Variants in MGLL observed in about 807,000 individuals in gnomAD.
The protein encoded by MGLL is monoglyceride lipase.
Under a neutral mutation model 29.1 loss-of-function variants are expected in MGLL, and 7 were observed. That is an observed-to-expected ratio of 0.24 (90% CI 0.14 to 0.45). The LOEUF is 0.45. Among genes scored for constraint, MGLL ranks in the 20% least tolerant of loss-of-function variants. MGLL has a pLI of 0.99. For synonymous variants in MGLL, 148 were observed against 168.3 expected (o/e 0.88, Z 0.93); for missense variants, 356 against 413.6 (o/e 0.86, Z 1.21).
chr3:127,744,061 G>A lies in MGLL; in HGVS notation c.263-21495C>T, dbSNP rs565615920. On this transcript the variant is annotated intron_variant, in intron 3 of 7. Coordinates refer to ENST00000265052, the MANE Select transcript of MGLL (RefSeq NM_007283.7). ...TTTCTTTACTAATTGACAACAGCTT[G>A]AAAAAGGTATAAAGATGCCAGAATT... is the stretch of plus-strand genomic sequence containing the variant. Among the ~76,000 whole-genome samples, 6 of 152,262 alleles carry A rather than the reference G, an allele frequency of 3.9e-5. No homozygotes were observed. The East Asian group carries it at 7.7e-4, about 20-fold the overall frequency.
At chr3:127,724,049 C>A (rs12485988) in intron 3 of MGLL, among the ~76,000 whole-genome samples, 53,156 of 152,024 alleles carry the variant, frequency 0.35, 11,076 homozygotes, top group Non-Finnish European at 0.47. Context: ...GCAAGGAGAG[C>A]CTGCAGGAGA....
At chr3:127,763,871 C>T (rs1356689835) in intron 3 of MGLL, among the ~76,000 whole-genome samples, 1 of 152,168 alleles carries the variant, frequency 6.6e-6, no homozygotes, top group Admixed American at 6.5e-5. Flanking sequence ...CTGATGTCGC[C>T]GTAGTCATTA....
At chr3:127,785,959 T>C (rs971293931) in intron 2 of MGLL, among the ~76,000 whole-genome samples, 5 of 152,184 alleles carry the variant, frequency 3.3e-5, no homozygotes, top group African/African-American at 1.2e-4. Context: ...CCCCTGAGTG[T>C]CTGAGTGGCT....
chr3:127,802,649 T>C (rs1050172881), intron 2 of MGLL, among the ~76,000 whole-genome samples: 1 of 152,254 alleles, frequency 6.6e-6, no homozygotes, highest in African/African-American at 2.4e-5. Flanking sequence ...TTCTGCATTA[T>C]AGGAGGCCAA....
intron 2 of MGLL, among the ~76,000 whole-genome samples, chr3:127,799,983 T>C (rs1286312588): frequency 6.6e-6 from 1 of 152,214 alleles, no homozygotes; most frequent in Non-Finnish European, 1.5e-5. Flanking sequence ...TTTCCCAGAC[T>C]TCCCTGCAGC....
At chr3:127,771,506 A>T (rs899937607) in intron 3 of MGLL, among the ~76,000 whole-genome samples, 1 of 152,004 alleles carries the variant, frequency 6.6e-6, no homozygotes, top group East Asian at 1.9e-4. Flanking sequence ...ATAGGCATGC[A>T]CCTTTAAGCA....
intron 2 of MGLL, among the ~76,000 whole-genome samples, chr3:127,802,549 T>A (rs2077496378): frequency 1.3e-5 from 2 of 152,202 alleles, no homozygotes; most frequent in African/African-American, 4.8e-5. Flanking sequence ...TTATTACTCC[T>A]CCAACACAAG....
intron 6 of MGLL, among the ~76,000 whole-genome samples, chr3:127,704,472 G>A (rs1462475412): frequency 6.6e-6 from 1 of 152,096 alleles, no homozygotes; most frequent in Non-Finnish European, 1.5e-5. Flanking sequence ...TACAGAATAG[G>A]AGAAAATTTT....
At chr3:127,775,345 A>G (rs370325594) in intron 3 of MGLL, among the ~76,000 whole-genome samples, 2 of 152,362 alleles carry the variant, frequency 1.3e-5, no homozygotes, top group East Asian at 1.9e-4. Context: ...AAACAAAAAT[A>G]TATTACTTAC....
chr3:127,744,419 G>A (rs914921046), intron 3 of MGLL, among the ~76,000 whole-genome samples: 15 of 152,180 alleles, frequency 9.9e-5, no homozygotes, highest in Admixed American at 7.2e-4. Context: ...ACATTGCCAC[G>A]TGTCATGCCC....
chr3:127,741,995 G>C (rs1410108311), intron 3 of MGLL, among the ~76,000 whole-genome samples: 1 of 152,084 alleles, frequency 6.6e-6, no homozygotes, highest in African/African-American at 2.4e-5. Flanking sequence ...TCAATTTTTT[G>C]CTTTTATAAA....
chr3:127,762,665 G>C (rs664095), intron 3 of MGLL, among the ~76,000 whole-genome samples: 119,588 of 152,156 alleles, frequency 0.79, 47,460 homozygotes, highest in Middle Eastern at 0.83. Flanking sequence ...CAGAGGCTTC[G>C]TTGCAGGTTC....
intron 3 of MGLL, among the ~76,000 whole-genome samples, chr3:127,726,254 AAGAG>A (rs1419555309): frequency 1.5e-5 from 2 of 132,798 alleles, no homozygotes; most frequent in South Asian, 3.0e-4. Context: ...AAGGGAGGGA[AAGAG>A]AGAGAGAAGG....
At chr3:127,822,192 C>T in intron 1 of MGLL, 117 bp downstream of exon 1, 2 of 1,186,652 alleles carry the variant, frequency 1.7e-6, no homozygotes, top group Non-Finnish European at 2.5e-6. Flanking sequence ...GACCCAGCTG[C>T]AAGAAGACCC....
chr3:127,796,333 G>C (rs1038207811), intron 2 of MGLL, among the ~76,000 whole-genome samples: 1 of 152,126 alleles, frequency 6.6e-6, no homozygotes, highest in Non-Finnish European at 1.5e-5. Flanking sequence ...GCCTAATTCT[G>C]AGAAGCTTCA....
intron 6 of MGLL, among the ~76,000 whole-genome samples, chr3:127,701,261 A>T (rs1199149160): frequency 6.6e-6 from 1 of 150,428 alleles, no homozygotes; most frequent in African/African-American, 2.4e-5. Context: ...TAGCAACAAC[A>T]AAAAAAACAA....
At chr3:127,807,705 T>C (rs2077590302) in intron 2 of MGLL, among the ~76,000 whole-genome samples, 1 of 151,440 alleles carries the variant, frequency 6.6e-6, no homozygotes, top group African/African-American at 2.4e-5. Context: ...TTTTATGATG[T>C]TTTCTGACCC....
chr3:127,822,542 G>A (rs959343705), upstream of MGLL: 6 of 592,182 alleles, frequency 1.0e-5, no homozygotes, highest in Non-Finnish European at 1.8e-5. Context: ...CCCAGGGCGG[G>A]GAGCGGCGCT....
At chr3:127,756,555 G>A (rs1285972984) in intron 3 of MGLL, among the ~76,000 whole-genome samples, 1 of 152,256 alleles carries the variant, frequency 6.6e-6, no homozygotes, top group African/African-American at 2.4e-5. Context: ...ATGGTATGCT[G>A]TGGCCCCTTC....
Sources: allele counts gnomAD v4.1 joint callset (sites outside exome capture counted in the v4.1 genomes callset), GRCh38; gene constraint gnomAD v4.1.1; transcripts MANE v1.5; gene names NCBI Gene and HGNC (gene_info 2026-07-23, HGNC 2026-07-21).